PLEKHA7: variants seen among roughly 807,000 people sequenced by gnomAD.
The protein encoded by PLEKHA7 is pleckstrin homology domain-containing family A member 7.
In PLEKHA7, 104 loss-of-function variants were observed where a neutral mutation model predicts 170.0. That is an observed-to-expected ratio of 0.61 (90% CI 0.52 to 0.72). PLEKHA7 has a LOEUF of 0.72. Among genes scored for constraint, PLEKHA7 ranks in the 30% least tolerant of loss-of-function variants. The pLI, the probability that PLEKHA7 is intolerant of heterozygous loss-of-function variation, is 0.00. For missense variants in PLEKHA7, 1,615 were observed against 1,671.7 expected (o/e 0.97, Z 0.59); for synonymous variants, 648 against 660.8 (o/e 0.98, Z 0.30).
At chr11:16,899,454 G>A (rs904765688) in intron 3 of PLEKHA7, among the ~76,000 whole-genome samples, 1 of 152,172 alleles carries the variant, frequency 6.6e-6, no homozygotes, top group African/African-American at 2.4e-5. Flanking sequence ...CTGAGATCAC[G>A]CCATTGCACT....
At chr11:16,781,456 C>T (rs938920230) in intron 26 of PLEKHA7, among the ~76,000 whole-genome samples, 8 of 152,144 alleles carry the variant, frequency 5.3e-5, no homozygotes, top group South Asian at 2.1e-4. Flanking sequence ...GTGGGGGAGC[C>T]GCCCCTGCTC....
In PLEKHA7 at chr11:16,852,356, C is replaced by A. The variant is rs747355012; in HGVS notation, c.523-1G>T. 1.9e-6 allele frequency: 3 copies of A among 1,613,708 alleles called. No individual in the cohort carries two copies. Among genetic ancestry groups the A allele is most frequent in the Non-Finnish European group, 1.7e-6 (2 of 1,179,842 alleles). The stretch of plus-strand genomic sequence containing the variant: ...TCCACAGCCTCATCCCAGAACTGTC[C>A]TGCAAAGCAAAGAAAACTAGTCAGG... On this transcript the variant is annotated splice_acceptor_variant, in intron 6 of 26. Coordinates refer to ENST00000531066, the MANE Select transcript of PLEKHA7 (RefSeq NM_001329630.2). LOFTEE classifies it high-confidence loss of function.
chr11:16,852,193 G>C (rs918146946), intron 7 of PLEKHA7, 90 bp downstream of exon 7: 10 of 1,104,218 alleles, frequency 9.1e-6, no homozygotes, highest in Middle Eastern at 4.0e-4. Flanking sequence ...TGAACTTCCT[G>C]TGTTAGGACT....
chr11:17,006,297 C>A (rs1565201401), intron 3 of PLEKHA7, among the ~76,000 whole-genome samples: 1 of 150,572 alleles, frequency 6.6e-6, no homozygotes, highest in Non-Finnish European at 1.5e-5. Context: ...CACTGCACTC[C>A]AGCCTGGGCA....
intron 13 of PLEKHA7, among the ~76,000 whole-genome samples, chr11:16,807,808 G>A (rs1849094714): frequency 6.6e-6 from 1 of 152,158 alleles, no homozygotes; most frequent in African/African-American, 2.4e-5. Context: ...GAATCACTGG[G>A]GGAGCTTTAA....
chr11:16,820,435 T>C (rs544948307), intron 10 of PLEKHA7, among the ~76,000 whole-genome samples: 2 of 152,336 alleles, frequency 1.3e-5, no homozygotes, highest in South Asian at 4.1e-4. Context: ...CTACTTGTCG[T>C]GCCTGCCAAG....
At chr11:16,979,260 C>T (rs1202909062) in intron 3 of PLEKHA7, among the ~76,000 whole-genome samples, 1 of 152,184 alleles carries the variant, frequency 6.6e-6, no homozygotes, top group Non-Finnish European at 1.5e-5. Flanking sequence ...GAACTCCTAA[C>T]CTCACGACCC....
intron 3 of PLEKHA7, among the ~76,000 whole-genome samples, chr11:17,010,397 A>G (rs1039434840): frequency 8.9e-5 from 2 of 22,520 alleles, no homozygotes; most frequent in Non-Finnish European, 1.5e-4. Context: ...TTTAAAAAAA[A>G]AAAGAAAGAA....
intron 13 of PLEKHA7, among the ~76,000 whole-genome samples, chr11:16,808,123 A>G (rs553381034): frequency 1.3e-5 from 2 of 152,220 alleles, no homozygotes; most frequent in Non-Finnish European, 2.9e-5. Context: ...TGAGGATCAC[A>G]TTTTGAGAGC....
intron 10 of PLEKHA7, among the ~76,000 whole-genome samples, chr11:16,823,258 G>A (rs12272666): frequency 8.7e-4 from 132 of 152,142 alleles, no homozygotes; most frequent in East Asian, 2.9e-3. Context: ...CTACCACCTC[G>A]GCCTCCCAAA....
intron 3 of PLEKHA7, among the ~76,000 whole-genome samples, chr11:16,901,647 T>G (rs745543201): frequency 6.6e-6 from 1 of 152,202 alleles, no homozygotes; most frequent in African/African-American, 2.4e-5. Context: ...GGCCGGAAGA[T>G]AGCTTGAGCT....
At chr11:17,011,652 A>G (rs1486775814) in intron 3 of PLEKHA7, among the ~76,000 whole-genome samples, 2 of 151,660 alleles carry the variant, frequency 1.3e-5, no homozygotes, top group Non-Finnish European at 2.9e-5. Flanking sequence ...CCCTCTAAAC[A>G]CTGCTTTGAC....
intron 26 of PLEKHA7, among the ~76,000 whole-genome samples, chr11:16,782,178 C>T (rs1484856039): frequency 6.6e-6 from 1 of 151,884 alleles, no homozygotes; most frequent in Admixed American, 6.6e-5. Flanking sequence ...CACACCCACA[C>T]ACACACGTTC....
At chr11:16,940,285 T>G (rs11827229) in intron 3 of PLEKHA7, among the ~76,000 whole-genome samples, 26,215 of 76,450 alleles carry the variant, frequency 0.34, 4,083 homozygotes, top group South Asian at 0.51. Flanking sequence ...TCTGCTGTTT[T>G]TTTTTTTTTT....
Position 16,968,387 on chromosome 11 carries a change from C to T in PLEKHA7, c.221+45602G>A, listed in dbSNP as rs1012880499. 1.1e-4 allele frequency among the ~76,000 whole-genome samples: 17 copies of T among 152,334 alleles called. No homozygotes were observed. The East Asian group carries it at 3.3e-3, about 29-fold the overall frequency. ...GCTCTACTCCTGCTCAACTCATGGG[C>T]AAGCCAGCGCTGAGATCAGGCCTCC... On this transcript the variant is annotated intron_variant, in intron 3 of 26. Coordinates refer to ENST00000531066, the MANE Select transcript of PLEKHA7 (RefSeq NM_001329630.2).
chr11:16,882,140 G>A (rs771074099), intron 3 of PLEKHA7, among the ~76,000 whole-genome samples: 1 of 152,092 alleles, frequency 6.6e-6, no homozygotes, highest in Non-Finnish European at 1.5e-5. Context: ...CATAGTGCCT[G>A]GCACATAGTA....
chr11:16,790,152 T>C, intron 21 of PLEKHA7: 1 of 458,298 alleles, frequency 2.2e-6, no homozygotes, highest in Non-Finnish European at 4.0e-6. Flanking sequence ...CTGGGCTGCC[T>C]GGCAGGTAGA....
rs765179695 is a variant in PLEKHA7 at position 16,826,382 on chromosome 11, C to T, written c.1081G>A (p.Ala361Thr). The change falls in exon 10 of 27, where the codon GCC becomes ACC. Residue 361 changes from alanine to threonine, a missense_variant. Physicochemically the swap from Ala to Thr is moderately conservative, Grantham distance 58. Transcript: ENST00000531066. ...PLEGKRDRSK[A>T]RSPYSPAEED... ...TCGGCTGGCGAGTACGGAGACCTGG[C>T]CTTGCTCCGGTCCCGCTTGCCCTCC... 2 of 1,614,236 alleles carry T rather than the reference C, an allele frequency of 1.2e-6. No homozygotes were observed. Among genetic ancestry groups the T allele is most frequent in the East Asian group, 2.2e-5 (1 of 44,880 alleles).
At chr11:16,921,085 C>T (rs1198829266) in intron 3 of PLEKHA7, among the ~76,000 whole-genome samples, 2 of 152,188 alleles carry the variant, frequency 1.3e-5, no homozygotes, top group African/African-American at 4.8e-5. Flanking sequence ...CCCTTATTTT[C>T]GCAGGGCGTT....
Sources: gnomAD v4.1 joint callset for allele counts (sites outside exome capture counted in the v4.1 genomes callset) on GRCh38, gnomAD v4.1.1 for gene constraint, MANE v1.5 for transcripts, NCBI Gene and HGNC (gene_info 2026-07-23, HGNC 2026-07-21) for gene names.